Variants in GALNT14 observed in about 807,000 individuals in gnomAD.
The protein encoded by GALNT14 is UDP-GalNAc:polypeptide N-acetylgalactosaminyltransferase 14.
Under a neutral mutation model 77.5 loss-of-function variants are expected in GALNT14, and 60 were observed. That is an observed-to-expected ratio of 0.77 (90% CI 0.63 to 0.96). GALNT14 has a LOEUF of 0.96. GALNT14 is among the 40% of genes least tolerant of loss of function. The probability of loss-of-function intolerance (pLI) is 0.00; values close to 1 mark genes in which losing one functional copy is unlikely to be tolerated. For missense variants in GALNT14, 710 were observed against 731.0 expected, an observed-to-expected ratio of 0.97 and a Z score of 0.33; for synonymous variants, 280 against 281.7, an observed-to-expected ratio of 0.99 and a Z score of 0.06.
At chr2:31,047,012 A>C (rs1365763692) in intron 1 of GALNT14, among the ~76,000 whole-genome samples, 2 of 152,336 alleles carry the variant, frequency 1.3e-5, no homozygotes, top group Admixed American at 1.3e-4. Context: ...CTCAAATGCC[A>C]AGAAGTGGCT....
intron 1 of GALNT14, among the ~76,000 whole-genome samples, chr2:31,033,563 T>A (rs1331296133): frequency 6.6e-6 from 1 of 152,184 alleles, no homozygotes; most frequent in African/African-American, 2.4e-5. Context: ...TACCTCCCCA[T>A]CCCAAGACTG....
At chr2:30,904,575 C>A in the GALNT14 span, among the ~76,000 whole-genome samples, 1 of 152,238 alleles carries the variant, frequency 6.6e-6, no homozygotes, top group Non-Finnish European at 1.5e-5. Flanking sequence ...CACGGAGTCT[C>A]GCTGACTGCT....
At chr2:31,123,495 T>A (rs1222563345) in intron 1 of GALNT14, among the ~76,000 whole-genome samples, 1 of 152,216 alleles carries the variant, frequency 6.6e-6, no homozygotes, top group African/African-American at 2.4e-5. Context: ...CTTCCTGTTA[T>A]GCTTCCACTA....
chr2:31,076,215 C>G (rs961011535), intron 1 of GALNT14, among the ~76,000 whole-genome samples: 2 of 152,152 alleles, frequency 1.3e-5, no homozygotes, highest in Admixed American at 6.5e-5. Flanking sequence ...TATTGAGTAC[C>G]CACCATGCAC....
chr2:30,958,327 C>T, intron 4 of GALNT14, 70 bp downstream of exon 4: 8 of 1,368,574 alleles, frequency 5.8e-6, no homozygotes, highest in Non-Finnish European at 8.3e-6. Flanking sequence ...AGTGGACTCA[C>T]CTCTGCCTGT....
At chr2:30,923,056 C>CTTT (rs56163710) in intron 13 of GALNT14, among the ~76,000 whole-genome samples, 1,633 of 116,446 alleles carry the variant, frequency 0.014, 64 homozygotes, top group African/African-American at 0.052. Flanking sequence ...ACAAACGTGC[C>CTTT]TTTTTTTTTT....
chr2:30,954,383 A>G (rs1297788795), intron 6 of GALNT14, among the ~76,000 whole-genome samples: 1 of 152,200 alleles, frequency 6.6e-6, no homozygotes, highest in East Asian at 1.9e-4. Flanking sequence ...TTTTTGAGAC[A>G]GAATTTCACT....
At position 31,045,285 on chromosome 2, in the gene GALNT14, C is replaced by T. The variant is rs1439338844; in HGVS notation, c.130-52278G>A. 3.3e-5 allele frequency among the ~76,000 whole-genome samples: 5 copies of T among 152,168 alleles called. No homozygotes were observed. The South Asian group carries it at 6.2e-4, about 19-fold the overall frequency. On this transcript the variant is annotated intron_variant, in intron 1 of 14. Transcript: ENST00000349752. ...GAGGTTTAACAACTGTGGTGCCAAG[C>T]TGAGCTCAGATGTGCCAAATGAGGA... is the stretch of plus-strand genomic sequence containing the variant.
intron 2 of GALNT14, among the ~76,000 whole-genome samples, chr2:30,990,356 C>T (rs1669623303): frequency 6.6e-6 from 1 of 152,210 alleles, no homozygotes. Flanking sequence ...AGGCAAGCTC[C>T]AGGAATTGCA....
intron 1 of GALNT14, among the ~76,000 whole-genome samples, chr2:31,011,822 C>T (rs1247369062): frequency 6.6e-6 from 1 of 152,168 alleles, no homozygotes; most frequent in Non-Finnish European, 1.5e-5. Flanking sequence ...ATAATTGGTC[C>T]CTGCTCTGTT....
chr2:31,089,287 A>C (rs987963294), intron 1 of GALNT14, among the ~76,000 whole-genome samples: 3 of 152,156 alleles, frequency 2.0e-5, no homozygotes, highest in Non-Finnish European at 4.4e-5. Flanking sequence ...CTTGAGCTTG[A>C]TGAGACATTC....
chr2:30,894,313 T>G, the GALNT14 span, among the ~76,000 whole-genome samples: 1 of 152,180 alleles, frequency 6.6e-6, no homozygotes, highest in Non-Finnish European at 1.5e-5. Context: ...TTTGAGTAAA[T>G]TAATAATGAT....
At chr2:31,103,230 G>T (rs370434698) in intron 1 of GALNT14, among the ~76,000 whole-genome samples, 2 of 152,070 alleles carry the variant, frequency 1.3e-5, no homozygotes, top group Non-Finnish European at 2.9e-5. Context: ...TTCTGGGAAG[G>T]TTTGTGTTTT....
At chr2:31,007,745 T>C (rs1670771628) in intron 1 of GALNT14, among the ~76,000 whole-genome samples, 1 of 152,238 alleles carries the variant, frequency 6.6e-6, no homozygotes, top group African/African-American at 2.4e-5. Context: ...AAGTACTCAC[T>C]GCAAGATTCC....
chr2:31,078,783 G>T, intron 1 of GALNT14: 1 of 490,182 alleles, frequency 2.0e-6, no homozygotes, highest in Non-Finnish European at 3.3e-6. Flanking sequence ...CAAGCAGGCA[G>T]CATCCGAGAA....
intron 1 of GALNT14, among the ~76,000 whole-genome samples, chr2:31,021,690 A>G (rs956581053): frequency 6.6e-5 from 10 of 152,194 alleles, no homozygotes; most frequent in African/African-American, 2.4e-4. Context: ...TCTCACTACA[A>G]CAGCAGAGCT....
At chr2:30,962,280 C>T (rs1412729397) in intron 3 of GALNT14, among the ~76,000 whole-genome samples, 6 of 152,234 alleles carry the variant, frequency 3.9e-5, no homozygotes, top group African/African-American at 1.4e-4. Flanking sequence ...GGCAGAAAGG[C>T]TAACTTGCTT....
At chr2:30,950,858 C>T (rs1453872782) in intron 6 of GALNT14, among the ~76,000 whole-genome samples, 2 of 152,144 alleles carry the variant, frequency 1.3e-5, no homozygotes, top group Non-Finnish European at 2.9e-5. Context: ...GTAAGGCTGG[C>T]CATGGATGTA....
the GALNT14 span, among the ~76,000 whole-genome samples, chr2:30,897,749 C>T: frequency 6.6e-6 from 1 of 152,200 alleles, no homozygotes; most frequent in Non-Finnish European, 1.5e-5. Context: ...GAACACAGAC[C>T]GCTGGGACTG....
Sources: allele counts gnomAD v4.1 joint callset (sites outside exome capture counted in the v4.1 genomes callset), GRCh38; gene constraint gnomAD v4.1.1; transcripts MANE v1.5; gene names NCBI Gene and HGNC (gene_info 2026-07-23, HGNC 2026-07-21).